The following CYP27A1 variants were observed in gnomAD, a reference collection of about 807,000 sequenced individuals.
CYP27A1 encodes cytochrome P450 family 27 subfamily A member 1, also known as sterol 26-hydroxylase, mitochondrial.
In CYP27A1, 46 loss-of-function variants were observed where a neutral mutation model predicts 58.2. The ratio of observed to expected loss-of-function variants is 0.79; its 90% CI spans 0.62 to 1.01. The LOEUF (loss-of-function observed/expected upper bound fraction) is 1.01. Among genes scored for constraint, CYP27A1 ranks in the 50% least tolerant of loss-of-function variants. The probability of loss-of-function intolerance (pLI) is 0.00; values close to 1 mark genes in which losing one functional copy is unlikely to be tolerated. For synonymous variants in CYP27A1, 274 were observed against 285.1 expected, an observed-to-expected ratio of 0.96 and a Z score of 0.39; for missense variants, 704 against 687.0, an observed-to-expected ratio of 1.02 and a Z score of -0.28.
intron 1 of CYP27A1, among the ~76,000 whole-genome samples, chr2:218,783,792 C>A (rs886802612): frequency 2.6e-5 from 4 of 152,126 alleles, no homozygotes; most frequent in Non-Finnish European, 5.9e-5. Flanking sequence ...GGGTAGCCAA[C>A]CATCTGCTGG....
chr2:218,802,884 A>G (rs2105976219), intron 1 of CYP27A1, among the ~76,000 whole-genome samples: 1 of 152,254 alleles, frequency 6.6e-6, no homozygotes, highest in South Asian at 2.1e-4. Context: ...TCTTGTGATT[A>G]TAGGCCATTT....
At chr2:218,795,962 G>A (rs886084721) in intron 1 of CYP27A1, among the ~76,000 whole-genome samples, 3 of 152,132 alleles carry the variant, frequency 2.0e-5, no homozygotes, top group African/African-American at 7.2e-5. Flanking sequence ...GCTGAGCCCA[G>A]CCATGGGTTT....
In CYP27A1 at chr2:218,815,040, C is replaced by T; in HGVS notation, c.*10C>T. Reference sequence around the variant, plus strand: ...GCAGAGACAGTGCTGAGCTGAGTCTCCGCCTTGCTGGGGCTTGTCCTAGAG... The same window carrying T: ...GCAGAGACAGTGCTGAGCTGAGTCTTCGCCTTGCTGGGGCTTGTCCTAGAG... On this transcript the variant is annotated 3_prime_UTR_variant, in exon 9 of 9. Coordinates refer to ENST00000258415, the MANE Select transcript of CYP27A1 (RefSeq NM_000784.4). The T allele has an allele frequency of 6.2e-6, 10 of 1,614,142 alleles. No individual in the cohort carries two copies. The highest frequency in any genetic ancestry group is 8.5e-6 in the Non-Finnish European group (10 of 1,180,032).
intron 1 of CYP27A1, among the ~76,000 whole-genome samples, chr2:218,786,628 T>A (rs1943442714): frequency 6.6e-6 from 1 of 152,142 alleles, no homozygotes. Flanking sequence ...AACATATTGA[T>A]CCTGAGAATT....
At chr2:218,814,350 AG>A in intron 6 of CYP27A1, 29 bp from the exon 7 acceptor site, 1 of 1,610,876 alleles carries the variant, frequency 6.2e-7, no homozygotes, top group Non-Finnish European at 8.5e-7. Context: ...ATGAATCCAG[AG>A]CAGACTCCAG....
Position 218,782,305 on chromosome 2 carries a change from C to T in CYP27A1, c.123C>T (p.Thr41=), listed in dbSNP as rs2106479141. The T allele has an allele frequency of 6.2e-7, 1 of 1,607,736 alleles. No individual in the cohort carries two copies. Among genetic ancestry groups the T allele is most frequent in the Non-Finnish European group, 8.5e-7 (1 of 1,176,974 alleles). ...CCGCCCTCCCCTCGGACAAGGCCAC[C>T]GGAGCTCCCGGAGCCGGGCCTGGTG... ...IPAALPSDKA[T]GAPGAGPGVR... The change falls in exon 1 of 9, where the codon ACC becomes ACT. Residue 41 remains threonine (T), a synonymous_variant. Transcript: ENST00000258415. This position sits in a 1 kb window ranked among gnomAD's most constrained non-coding sequence, Gnocchi z 4.1.
At chr2:218,801,978 G>GC (rs1943603817) in intron 1 of CYP27A1, among the ~76,000 whole-genome samples, 8 of 71,032 alleles carry the variant, frequency 1.1e-4, no homozygotes, top group African/African-American at 5.5e-4. Context: ...CTGCTAGCAG[G>GC]CTTTTTTTTT....
chr2:218,792,150 A>G (rs1943499904), intron 1 of CYP27A1, among the ~76,000 whole-genome samples: 1 of 152,206 alleles, frequency 6.6e-6, no homozygotes, highest in South Asian at 2.1e-4. Context: ...TAATAAAAAA[A>G]AGCTTTAAGG....
chr2:218,787,599 C>G (rs1304967647), intron 1 of CYP27A1, among the ~76,000 whole-genome samples: 1 of 152,080 alleles, frequency 6.6e-6, no homozygotes, highest in Non-Finnish European at 1.5e-5. Context: ...ACAGGTGGGA[C>G]CTTTAAGAGG....
rs527395716 is a variant in CYP27A1 at position 218,814,637 on chromosome 2, C to T, written c.1356C>T (p.Asn452=). Residue 452 remains asparagine, a synonymous_variant, in exon 8 of 9, where the codon AAC becomes AAT. Coordinates refer to ENST00000258415, the MANE Select transcript of CYP27A1 (RefSeq NM_000784.4). ...ESFQPHRWLR[N]SQPATPRIQH... is the part of the protein sequence containing the mutation. ...TCCAGCCCCACCGCTGGCTGAGAAA[C>T]AGCCAGCCTGCTACCCCCAGGATCC... The T allele has an allele frequency of 6.2e-7, 1 of 1,614,216 alleles. No homozygotes were observed. The highest frequency in any genetic ancestry group is 1.3e-5 in the African/African-American group (1 of 75,064).
At chr2:218,811,881 C>G (rs1249646486) in intron 2 of CYP27A1, among the ~76,000 whole-genome samples, 2 of 152,202 alleles carry the variant, frequency 1.3e-5, no homozygotes, top group African/African-American at 4.8e-5. Context: ...GATAGGCACT[C>G]TTATTATCCC....
intron 1 of CYP27A1, among the ~76,000 whole-genome samples, chr2:218,801,914 G>A (rs1943602990): frequency 6.6e-6 from 1 of 151,570 alleles, no homozygotes; most frequent in African/African-American, 2.4e-5. Flanking sequence ...ATGAGGAGCA[G>A]GAATGGAGCC....
At chr2:218,787,396 T>A (rs148661067) in intron 1 of CYP27A1, among the ~76,000 whole-genome samples, 46 of 152,322 alleles carry the variant, frequency 3.0e-4, no homozygotes, top group African/African-American at 1.1e-3. Context: ...GTGTTTGAGG[T>A]TTCAGAAACT....
At position 218,782,443 on chromosome 2, in the gene CYP27A1, C is replaced by T. The variant is rs1943401783; in HGVS notation, c.255+6C>T. The T allele has an allele frequency of 6.2e-7, 1 of 1,614,036 alleles. No homozygotes were observed. The highest frequency in any genetic ancestry group is 1.7e-5 in the Admixed American group (1 of 60,008). ...TGCAACTGCACCAGTTACAGGTAAC[C>T]CGCGGGGGCATCGCGTCCTGGGGAT... is the stretch of plus-strand genomic sequence containing the variant. On this transcript the variant is annotated splice_donor_region_variant and intron_variant, in intron 1 of 8. Coordinates refer to ENST00000258415, the MANE Select transcript of CYP27A1 (RefSeq NM_000784.4). The surrounding 1 kb of genome is among the most constrained non-coding windows in gnomAD (Gnocchi z 4.1).
At chr2:218,796,194 T>C (rs1408999584) in intron 1 of CYP27A1, among the ~76,000 whole-genome samples, 1 of 152,196 alleles carries the variant, frequency 6.6e-6, no homozygotes, top group Admixed American at 6.5e-5. Flanking sequence ...AAGCATACCT[T>C]TCTAGTCAAA....
In CYP27A1 at chr2:218,814,734, G is replaced by C. The variant is rs1301870550; in HGVS notation, c.1453G>C (p.Glu485Gln). 1 of 1,614,198 alleles carries C rather than the reference G, an allele frequency of 6.2e-7. No individual in the cohort carries two copies. Among genetic ancestry groups the C allele is most frequent in the Admixed American group, 1.7e-5 (1 of 60,034 alleles). ...ACLGRRIAEL[E>Q]MQLLLARLIQ... ...CCTGGGCCGCAGGATTGCAGAGCTGGAGATGCAGCTACTCCTCGCAAGGGT... is the reference window on the plus strand; with the variant it reads ...CCTGGGCCGCAGGATTGCAGAGCTGCAGATGCAGCTACTCCTCGCAAGGGT... The change falls in exon 8 of 9, where the codon GAG becomes CAG. Residue 485 changes from glutamate (E) to glutamine (Q), a missense_variant. Physicochemically the swap from Glu to Gln is conservative, Grantham distance 29. Coordinates refer to ENST00000258415, the MANE Select transcript of CYP27A1 (RefSeq NM_000784.4).
intron 1 of CYP27A1, among the ~76,000 whole-genome samples, chr2:218,789,040 A>G (rs1943466403): frequency 6.6e-6 from 1 of 152,250 alleles, no homozygotes; most frequent in African/African-American, 2.4e-5. Flanking sequence ...TGTGTGAGTT[A>G]TGCCAATTTA....
chr2:218,809,723 G>A lies in CYP27A1; in HGVS notation c.402G>A (p.Lys134=). 6.2e-7 allele frequency: 1 copy of A among 1,614,074 alleles called. No homozygotes were observed. The highest frequency in any genetic ancestry group is 8.5e-7 in the Non-Finnish European group (1 of 1,179,942). Residue 134 remains lysine, a synonymous_variant, in exon 2 of 9, where the codon AAG becomes AAA. Transcript: ENST00000258415. The part of the protein sequence containing the change: ...YPVRNDMELW[K]EHRDQHDLTY... ...TACGGAACGACATGGAGCTATGGAAGGAGCACCGGGACCAGCACGACCTGA... is the reference window on the plus strand; with the variant it reads ...TACGGAACGACATGGAGCTATGGAAAGAGCACCGGGACCAGCACGACCTGA...
At chr2:218,790,703 C>CTT (rs995291470) in intron 1 of CYP27A1, among the ~76,000 whole-genome samples, 1 of 145,406 alleles carries the variant, frequency 6.9e-6, no homozygotes. Flanking sequence ...TTCTTTCTTT[C>CTT]TTTTTTTTTT....
Sources: allele counts gnomAD v4.1 joint callset (sites outside exome capture counted in the v4.1 genomes callset), GRCh38; gene constraint gnomAD v4.1.1; non-coding constraint Gnocchi (gnomAD v3.1); transcripts MANE v1.5; gene names NCBI Gene and HGNC (gene_info 2026-07-23, HGNC 2026-07-21).